The following PLA2R1 variants were observed in gnomAD, a reference collection of about 807,000 sequenced individuals.
PLA2R1 encodes the protein secretory phospholipase A2 receptor.
Under a neutral mutation model 195.9 loss-of-function variants are expected in PLA2R1, and 158 were observed. The observed-to-expected ratio is 0.81, with a 90% CI of 0.71 to 0.92. The LOEUF (loss-of-function observed/expected upper bound fraction) is 0.92, where lower values mean the gene tolerates loss of function less well. Among genes scored for constraint, PLA2R1 ranks in the 40% least tolerant of loss-of-function variants. PLA2R1 has a pLI of 0.00. For synonymous variants in PLA2R1, 586 were observed against 598.2 expected (o/e 0.98, Z 0.30); for missense variants, 1,626 against 1,764.6 (o/e 0.92, Z 1.41).
intron 12 of PLA2R1, among the ~76,000 whole-genome samples, chr2:159,985,823 AC>A (rs1690286347): frequency 6.6e-6 from 1 of 152,070 alleles, no homozygotes; most frequent in African/African-American, 2.4e-5. Context: ...TCCCCAGATG[AC>A]CCTTGCTGAC....
At position 160,062,470 on chromosome 2, in the gene PLA2R1, G is replaced by A; in HGVS notation, c.-67C>T. On this transcript the variant is annotated 5_prime_UTR_variant, in exon 1 of 30. Transcript: ENST00000283243. ...CCCCTTATCCCGGGAGCCCAGAGCC[G>A]CGTCCCAAGCACCCGGCCCCGCCGC... The A allele has an allele frequency of 1.4e-6, 2 of 1,458,576 alleles. No homozygotes were observed. The highest frequency in any genetic ancestry group is 1.8e-6 in the Non-Finnish European group (2 of 1,108,728). 90.4% of individuals were successfully genotyped at this position (1,458,576 alleles called of 1,614,324 possible).
In PLA2R1 at chr2:159,941,577, A is replaced by G; in HGVS notation, c.*201T>C. The stretch of plus-strand genomic sequence containing the variant: ...CATAATTTACCCCTTTTAAGAATGG[A>G]TCACAGTTTAGGGAAATGAATAAAT... On this transcript the variant is annotated 3_prime_UTR_variant, in exon 30 of 30. Coordinates refer to ENST00000283243, the MANE Select transcript of PLA2R1 (RefSeq NM_007366.5). The G allele has an allele frequency of 2.3e-6, 1 of 441,228 alleles. No individual in the cohort carries two copies. Among genetic ancestry groups the G allele is most frequent in the Non-Finnish European group, 4.0e-6 (1 of 248,636 alleles). The allele number at this position is 441,228 out of a possible 1,614,324, so 27.3% of individuals were successfully genotyped here.
At chr2:160,040,634 T>C (rs1694467695) in intron 3 of PLA2R1, among the ~76,000 whole-genome samples, 1 of 152,166 alleles carries the variant, frequency 6.6e-6, no homozygotes, top group Admixed American at 6.5e-5. Context: ...TTGTGTCAAA[T>C]ACAGCCTGCA....
Position 159,976,681 on chromosome 2 carries a change from T to G in PLA2R1, c.2437+4A>C. 1 of 1,589,226 alleles carries G rather than the reference T, an allele frequency of 6.3e-7. No individual in the cohort carries two copies. ...AATTCAAGAGCTGCCAGAGTCATTCTTACCGTACTGGTACCAGAACGGAAT... is the reference window on the plus strand; with the variant it reads ...AATTCAAGAGCTGCCAGAGTCATTCGTACCGTACTGGTACCAGAACGGAAT... On this transcript the variant is annotated splice_donor_region_variant and intron_variant, in intron 16 of 29. Coordinates refer to ENST00000283243, the MANE Select transcript of PLA2R1 (RefSeq NM_007366.5).
intron 17 of PLA2R1, among the ~76,000 whole-genome samples, chr2:159,971,833 G>A (rs540365807): frequency 3.9e-5 from 6 of 152,134 alleles, no homozygotes; most frequent in African/African-American, 1.4e-4. Context: ...TTATAAACAG[G>A]TATTTTTATT....
At chr2:159,986,033 G>C (rs911736762) in intron 12 of PLA2R1, among the ~76,000 whole-genome samples, 2 of 152,020 alleles carry the variant, frequency 1.3e-5, no homozygotes, top group African/African-American at 4.8e-5. Flanking sequence ...ATGCAAAGTG[G>C]GGCATGTGCA....
chr2:159,950,457 A>G (rs1338922920), intron 24 of PLA2R1, among the ~76,000 whole-genome samples: 2 of 152,228 alleles, frequency 1.3e-5, no homozygotes, highest in Non-Finnish European at 2.9e-5. Flanking sequence ...CTACTGGCAC[A>G]AGGATATTTG....
chr2:159,994,802 C>T (rs1043133375), intron 11 of PLA2R1, among the ~76,000 whole-genome samples: 3 of 151,606 alleles, frequency 2.0e-5, no homozygotes, highest in Non-Finnish European at 2.9e-5. Flanking sequence ...AAAAAAATGG[C>T]GGAAAGGTGA....
At chr2:159,972,395 T>C (rs144282912) in intron 17 of PLA2R1, among the ~76,000 whole-genome samples, 7 of 152,284 alleles carry the variant, frequency 4.6e-5, no homozygotes, top group Middle Eastern at 3.4e-3. Context: ...AAAAATGTCA[T>C]ATGAACATGC....
At chr2:159,994,023 TA>T (rs891159994) in intron 11 of PLA2R1, among the ~76,000 whole-genome samples, 2 of 151,664 alleles carry the variant, frequency 1.3e-5, no homozygotes, top group Non-Finnish European at 2.9e-5. Context: ...AAGAAACCCC[TA>T]ATGAGTCAAT....
At chr2:159,948,742 A>G (rs1687547522) in intron 25 of PLA2R1, among the ~76,000 whole-genome samples, 1 of 151,974 alleles carries the variant, frequency 6.6e-6, no homozygotes, top group Non-Finnish European at 1.5e-5. Context: ...TATCATTTAC[A>G]TTTAATCCTG....
At chr2:160,004,369 A>C (rs1691825476) in intron 11 of PLA2R1, among the ~76,000 whole-genome samples, 1 of 152,196 alleles carries the variant, frequency 6.6e-6, no homozygotes. Flanking sequence ...TTTGCCAACC[A>C]CTGTCTAGAG....
At chr2:159,985,433 A>C (rs990922465) in intron 12 of PLA2R1, among the ~76,000 whole-genome samples, 1 of 152,222 alleles carries the variant, frequency 6.6e-6, no homozygotes, top group Non-Finnish European at 1.5e-5. Context: ...AAACCAAGAC[A>C]AAACCACCAA....
downstream of PLA2R1, among the ~76,000 whole-genome samples, chr2:159,930,422 AG>A (rs1686562738): frequency 6.6e-6 from 1 of 151,718 alleles, no homozygotes. Context: ...AAAAAAAAAA[AG>A]ACTACACATT....
chr2:159,934,699 A>G lies in PLA2R1; in HGVS notation c.*7079T>C, dbSNP rs922339060. 6.6e-6 allele frequency: 1 copy of G among 152,176 alleles called. No homozygotes were observed. The highest frequency in any genetic ancestry group is 1.5e-5 in the Non-Finnish European group (1 of 68,020). 9.4% of individuals were successfully genotyped at this position (152,176 alleles called of 1,614,324 possible). On this transcript the variant is annotated 3_prime_UTR_variant, in exon 30 of 30. Transcript: ENST00000283243. ...CAAAATGTTAACTTTTTATATTGAAATGATTTTAGGTTTACAGAAAAATTG... is the reference window on the plus strand; with the variant it reads ...CAAAATGTTAACTTTTTATATTGAAGTGATTTTAGGTTTACAGAAAAATTG...
chr2:159,971,637 T>C lies in PLA2R1; in HGVS notation c.2596-1425A>G, dbSNP rs189296176. Among the ~76,000 whole-genome samples, 508 of 152,044 alleles carry C rather than the reference T, an allele frequency of 3.3e-3. 2 individuals carry two copies. Among genetic ancestry groups the C allele is most frequent in the Admixed American group, 5.5e-3 (84 of 15,278 alleles). On this transcript the variant is annotated intron_variant, in intron 17 of 29. Transcript: ENST00000283243. ...TTAATGGGGGTGTGTGTGTGTGTGT[T>C]GTGTGCTGAACTGTAAGTTAATTTT...
intron 20 of PLA2R1, among the ~76,000 whole-genome samples, chr2:159,965,610 A>G (rs923544401): frequency 6.6e-6 from 1 of 152,208 alleles, no homozygotes; most frequent in Non-Finnish European, 1.5e-5. Context: ...ATATTCATGG[A>G]CAGGTTTTTA....
intron 19 of PLA2R1, 24 bp downstream of exon 19, chr2:159,969,232 C>A (rs766204053): frequency 4.0e-6 from 5 of 1,261,910 alleles, no homozygotes; most frequent in African/African-American, 1.5e-5. Flanking sequence ...TATTATAAAC[C>A]CAAAAATGGG....
chr2:160,012,261 C>T (rs1279821811), intron 10 of PLA2R1, among the ~76,000 whole-genome samples: 2 of 152,132 alleles, frequency 1.3e-5, no homozygotes, highest in Non-Finnish European at 2.9e-5. Flanking sequence ...TCCTGTGGCA[C>T]CACTGGAGTT....
Sources: allele counts gnomAD v4.1 joint callset (sites outside exome capture counted in the v4.1 genomes callset), GRCh38; gene constraint gnomAD v4.1.1; transcripts MANE v1.5; gene names NCBI Gene and HGNC (gene_info 2026-07-23, HGNC 2026-07-21).